The following NRG3 variants were observed in gnomAD, a reference collection of about 807,000 sequenced individuals.
NRG3 encodes neuregulin 3, also known as pro-neuregulin-3, membrane-bound isoform.
Under a neutral mutation model 66.9 loss-of-function variants are expected in NRG3, and 31 were observed. The ratio of observed to expected loss-of-function variants is 0.46; its 90% CI spans 0.35 to 0.63. The LOEUF is 0.63. NRG3 is among the 20% of genes least tolerant of loss of function. The pLI, the probability that NRG3 is intolerant of heterozygous loss-of-function variation, is 0.00. For missense variants in NRG3, 910 were observed against 878.9 expected, an observed-to-expected ratio of 1.04 and a Z score of -0.45; for synonymous variants, 393 against 359.4, an observed-to-expected ratio of 1.09 and a Z score of -1.06.
chr10:82,155,851 G>GT (rs2071145660), intron 1 of NRG3, among the ~76,000 whole-genome samples: 1 of 151,622 alleles, frequency 6.6e-6, no homozygotes, highest in Non-Finnish European at 1.5e-5. Flanking sequence ...TACATAACAG[G>GT]TAGTATGGAC....
At chr10:82,359,040 A>G (rs1329997301) in intron 2 of NRG3, among the ~76,000 whole-genome samples, 172 bp downstream of exon 2, 1 of 152,216 alleles carries the variant, frequency 6.6e-6, no homozygotes, top group African/African-American at 2.4e-5. Context: ...CCTCTTTAAC[A>G]GTGGAAGAAG....
In NRG3 at chr10:81,875,486, C is replaced by T. The variant is rs143129860; in HGVS notation, c.146C>T (p.Pro49Leu). The T allele has an allele frequency of 6.7e-7, 1 of 1,495,236 alleles. No homozygotes were observed. The highest frequency in any genetic ancestry group is 9.0e-7 in the Non-Finnish European group (1 of 1,114,684). The allele number at this position is 1,495,236 out of a possible 1,614,324, so 92.6% of individuals were successfully genotyped here. The change falls in exon 1 of 9, where the codon CCC becomes CTC. Residue 49 changes from proline (P) to leucine (L), a missense_variant. By Grantham distance (98) the Pro-to-Leu change is moderately conservative. Transcript: ENST00000372141. The surrounding 1 kb of genome is among the most constrained non-coding windows in gnomAD (Gnocchi z 5.3). ...GGCGGCGAAGGGGCGGCCGAGCCCC[C>T]CCGGGAGTTACGCTGTAGCGACTGC... is the stretch of plus-strand genomic sequence containing the variant. Reference protein sequence around the residue: ...DGGGEGAAEPPRELRCSDCIV... With the variant: ...DGGGEGAAEPLRELRCSDCIV...
intron 1 of NRG3, among the ~76,000 whole-genome samples, chr10:82,276,614 C>A (rs1321581499): frequency 6.6e-6 from 1 of 152,000 alleles, no homozygotes; most frequent in Non-Finnish European, 1.5e-5. Context: ...GTCAAAGGAG[C>A]TCATCTTTAA....
intron 1 of NRG3, among the ~76,000 whole-genome samples, chr10:82,326,911 A>C (rs922229519): frequency 6.7e-6 from 1 of 149,884 alleles, no homozygotes; most frequent in African/African-American, 2.6e-5. Context: ...AGCTATGTCA[A>C]AAAAAGATTG....
At chr10:82,634,814 G>A (rs568136486) in intron 2 of NRG3, among the ~76,000 whole-genome samples, 1 of 152,140 alleles carries the variant, frequency 6.6e-6, no homozygotes, top group African/African-American at 2.4e-5. Flanking sequence ...ATGATGGTTG[G>A]ATAGAGTGTT....
At chr10:82,438,910 G>A (rs995208064) in intron 2 of NRG3, among the ~76,000 whole-genome samples, 2 of 151,896 alleles carry the variant, frequency 1.3e-5, no homozygotes, top group African/African-American at 4.8e-5. Flanking sequence ...TGCTGGTGAT[G>A]GATTCACATG....
chr10:82,505,302 T>G (rs995898526), intron 2 of NRG3, among the ~76,000 whole-genome samples: 2 of 152,232 alleles, frequency 1.3e-5, no homozygotes, highest in Admixed American at 1.3e-4. Context: ...AGTCTTTGAA[T>G]AGCGGGAAGA....
At chr10:82,266,913 C>T (rs1341090538) in intron 1 of NRG3, among the ~76,000 whole-genome samples, 1 of 152,142 alleles carries the variant, frequency 6.6e-6, no homozygotes, top group Non-Finnish European at 1.5e-5. Flanking sequence ...ATGAACTTAC[C>T]ACAAATGATG....
chr10:82,805,086 T>C (rs928276266), intron 3 of NRG3, among the ~76,000 whole-genome samples: 6 of 152,226 alleles, frequency 3.9e-5, no homozygotes, highest in Non-Finnish European at 8.8e-5. Flanking sequence ...AATCCCCTGA[T>C]GAACCTGTGA....
intron 1 of NRG3, among the ~76,000 whole-genome samples, chr10:82,246,779 G>T (rs1333407148): frequency 1.3e-5 from 2 of 151,502 alleles, no homozygotes; most frequent in African/African-American, 2.4e-5. Context: ...TTTTTTTTCA[G>T]AGAGTAAGGC....
intron 4 of NRG3, among the ~76,000 whole-genome samples, chr10:82,948,521 CT>C (rs1192204713): frequency 6.6e-6 from 1 of 152,062 alleles, no homozygotes; most frequent in African/African-American, 2.4e-5. Flanking sequence ...TGTCTATCAT[CT>C]TGGGGAGAAT....
In NRG3 at chr10:82,724,285, A is replaced by T. The variant is rs375915390; in HGVS notation, c.954-14292A>T. On this transcript the variant is annotated intron_variant, in intron 2 of 8. Transcript: ENST00000372141. ...GTCTGAGGTACATGAGGCTTTTAAT[A>T]TGAAATCACTTTCCATTCGGTCCAA... Among the ~76,000 whole-genome samples the T allele has an allele frequency of 3.0e-4, 46 of 151,894 alleles. No homozygotes were observed. In the South Asian group the frequency reaches 7.1e-3, roughly 23 times the overall value.
intron 1 of NRG3, among the ~76,000 whole-genome samples, chr10:82,188,474 A>T (rs2133316205): frequency 6.6e-6 from 1 of 152,270 alleles, no homozygotes; most frequent in South Asian, 2.1e-4. Flanking sequence ...TTGAAAAGCT[A>T]CTGCATAGCA....
intron 2 of NRG3, among the ~76,000 whole-genome samples, chr10:82,481,004 A>G (rs1427589862): frequency 5.9e-5 from 9 of 152,168 alleles, no homozygotes; most frequent in Admixed American, 5.2e-4. Context: ...TATCCAAAGT[A>G]TATCTCATCT....
At chr10:82,981,475 G>A (rs1320586743) in intron 8 of NRG3, among the ~76,000 whole-genome samples, 1 of 152,172 alleles carries the variant, frequency 6.6e-6, no homozygotes, top group South Asian at 2.1e-4. Flanking sequence ...CTGGAAATGG[G>A]ATTCGTAATA....
intron 1 of NRG3, among the ~76,000 whole-genome samples, chr10:81,883,721 A>G (rs556124369): frequency 5.3e-5 from 8 of 152,172 alleles, no homozygotes; most frequent in Non-Finnish European, 7.3e-5. Flanking sequence ...ATACCTTCCT[A>G]TGACTACATG....
At chr10:82,142,708 G>A (rs1447299894) in intron 1 of NRG3, among the ~76,000 whole-genome samples, 2 of 149,158 alleles carry the variant, frequency 1.3e-5, no homozygotes, top group African/African-American at 4.9e-5. Flanking sequence ...GGATGTCCTA[G>A]TATAAGAGGT....
intron 4 of NRG3, among the ~76,000 whole-genome samples, chr10:82,937,776 T>C (rs1362953334): frequency 1.3e-5 from 2 of 151,944 alleles, no homozygotes; most frequent in Non-Finnish European, 2.9e-5. Context: ...GGTACAGGAG[T>C]AGGTTACAGT....
intron 1 of NRG3, among the ~76,000 whole-genome samples, chr10:81,984,623 A>G (rs2060454687): frequency 6.6e-6 from 1 of 152,224 alleles, no homozygotes; most frequent in Non-Finnish European, 1.5e-5. Flanking sequence ...TCACTCGTCA[A>G]GAGGCAGTTT....
Sources: allele counts gnomAD v4.1 joint callset (sites outside exome capture counted in the v4.1 genomes callset), GRCh38; gene constraint gnomAD v4.1.1; non-coding constraint Gnocchi (gnomAD v3.1); transcripts MANE v1.5; gene names NCBI Gene and HGNC (gene_info 2026-07-23, HGNC 2026-07-21).